Variants in LINGO2 observed in about 807,000 individuals in gnomAD.
The protein encoded by LINGO2 is leucine rich repeat and Ig domain containing 2, also known as leucine-rich repeat and immunoglobulin-like domain-containing nogo receptor-interacting protein 2.
In LINGO2, 14 loss-of-function variants were observed where a neutral mutation model predicts 30.6. That is an observed-to-expected ratio of 0.46 (90% confidence interval 0.30 to 0.72). LINGO2 has a LOEUF of 0.72. Ranked by LOEUF, LINGO2 falls within the 30% of genes least tolerant of loss-of-function variation. The probability of loss-of-function intolerance (pLI) is 0.07; values close to 1 mark genes in which losing one functional copy is unlikely to be tolerated. For missense variants in LINGO2, 729 were observed against 751.7 expected (o/e 0.97, Z 0.35); for synonymous variants, 317 against 288.5 (o/e 1.10, Z -1.00).
intron 4 of LINGO2, among the ~76,000 whole-genome samples, chr9:28,226,626 G>GGAGA (rs1821157211): frequency 1.1e-5 from 1 of 90,808 alleles, no homozygotes; most frequent in African/African-American, 3.9e-5. Flanking sequence ...AAGGAAAGAA[G>GGAGA]GAAAGAAGGA....
chr9:28,202,815 G>A (rs10812756), intron 4 of LINGO2, among the ~76,000 whole-genome samples: 12,115 of 152,120 alleles, frequency 0.08, 688 homozygotes, highest in East Asian at 0.21. Flanking sequence ...TCTCTTTCCC[G>A]AGCTTGAGTC....
At chr9:28,829,258 C>G in the LINGO2 span, among the ~76,000 whole-genome samples, 1 of 152,168 alleles carries the variant, frequency 6.6e-6, no homozygotes, top group Non-Finnish European at 1.5e-5. Context: ...CCTTTCCAGG[C>G]CCCCTTCCCG....
At chr9:28,138,585 TGCTTTGAAAAGTAG>T (rs1035282216) in intron 4 of LINGO2, among the ~76,000 whole-genome samples, 1 of 152,212 alleles carries the variant, frequency 6.6e-6, no homozygotes, top group African/African-American at 2.4e-5. Context: ...ATTATAGCCT[TGCTTTGAAAAGTAG>T]GCATTTTTCA....
At chr9:28,848,387 G>GTATATA in the LINGO2 span, among the ~76,000 whole-genome samples, 1 of 51,826 alleles carries the variant, frequency 1.9e-5, no homozygotes, top group Non-Finnish European at 3.9e-5. Flanking sequence ...GTGTGTGTGT[G>GTATATA]TGTGTGTGTG....
chr9:28,179,313 T>G lies in LINGO2; in HGVS notation c.-87+115895A>C, dbSNP rs1289297876. Among the ~76,000 whole-genome samples the G allele has an allele frequency of 5.5e-5, 8 of 144,824 alleles. No homozygotes were observed. In the Admixed American group the frequency reaches 5.7e-4, roughly 10 times the overall value. ...ACCATATATAGTATTTTATACTATATATACTATACTATATGTATATATATA... is the reference window on the plus strand; with the variant it reads ...ACCATATATAGTATTTTATACTATAGATACTATACTATATGTATATATATA... On this transcript the variant is annotated intron_variant, in intron 4 of 5. Transcript: ENST00000379992.
At chr9:28,932,043 GT>G in the LINGO2 span, among the ~76,000 whole-genome samples, 1 of 151,476 alleles carries the variant, frequency 6.6e-6, no homozygotes, top group Non-Finnish European at 1.5e-5. Context: ...GGAGGCGAAG[GT>G]TGCAGTGAGT....
intron 3 of LINGO2, among the ~76,000 whole-genome samples, chr9:28,347,373 T>C (rs10968525): frequency 1.3e-5 from 2 of 152,106 alleles, no homozygotes; most frequent in African/African-American, 4.8e-5. Context: ...GGAAGAGATA[T>C]GTAGCTCAAC....
chr9:28,773,366 G>GAAAA, the LINGO2 span, among the ~76,000 whole-genome samples: 14 of 132,228 alleles, frequency 1.1e-4, no homozygotes, highest in Admixed American at 5.4e-4. Flanking sequence ...CTCCATCTCA[G>GAAAA]AAAAAAAAAA....
At chr9:28,779,350 C>T in the LINGO2 span, among the ~76,000 whole-genome samples, 1 of 152,108 alleles carries the variant, frequency 6.6e-6, no homozygotes, top group South Asian at 2.1e-4. Context: ...CCATCTCCCA[C>T]CTGCTCTGGT....
the LINGO2 span, among the ~76,000 whole-genome samples, chr9:28,875,689 T>C: frequency 2.0e-5 from 3 of 152,138 alleles, no homozygotes; most frequent in African/African-American, 7.2e-5. Flanking sequence ...CTTTTTAGAA[T>C]ATCCAACAAT....
chr9:28,262,669 T>A (rs1211895719), intron 4 of LINGO2, among the ~76,000 whole-genome samples: 1 of 151,754 alleles, frequency 6.6e-6, no homozygotes. Context: ...AGAAGAAATT[T>A]TAAAACAATG....
At chr9:28,883,184 A>C in the LINGO2 span, among the ~76,000 whole-genome samples, 1 of 151,948 alleles carries the variant, frequency 6.6e-6, no homozygotes, top group African/African-American at 2.4e-5. Context: ...GTCTTCTTTA[A>C]TTTATTTATT....
At chr9:28,644,966 A>G (rs1299702047) in intron 1 of LINGO2, among the ~76,000 whole-genome samples, 1 of 152,100 alleles carries the variant, frequency 6.6e-6, no homozygotes, top group Non-Finnish European at 1.5e-5. Context: ...GGGACAATTT[A>G]AAAATCCCAG....
the LINGO2 span, among the ~76,000 whole-genome samples, chr9:29,043,546 G>T: frequency 6.6e-6 from 1 of 151,932 alleles, no homozygotes; most frequent in Non-Finnish European, 1.5e-5. Context: ...TATGTGTTGA[G>T]ATTTCTCATT....
At chr9:29,124,081 C>T in the LINGO2 span, among the ~76,000 whole-genome samples, 2 of 151,916 alleles carry the variant, frequency 1.3e-5, no homozygotes, top group South Asian at 2.1e-4. Context: ...CAATGGAACA[C>T]AACAGAGGCC....
chr9:28,473,528 G>A (rs1321225008), intron 2 of LINGO2, among the ~76,000 whole-genome samples: 1 of 151,716 alleles, frequency 6.6e-6, no homozygotes, highest in African/African-American at 2.4e-5. Flanking sequence ...TCTCTTTCCC[G>A]GGACATACTG....
chr9:28,479,500 G>T (rs1270950060), intron 1 of LINGO2, among the ~76,000 whole-genome samples: 3 of 151,688 alleles, frequency 2.0e-5, no homozygotes, highest in Admixed American at 6.6e-5. Context: ...TTTAGCAAAA[G>T]ATCATTTTGT....
At chr9:28,714,363 G>A in the LINGO2 span, among the ~76,000 whole-genome samples, 148 of 151,826 alleles carry the variant, frequency 9.7e-4, 1 homozygote, top group African/African-American at 3.5e-3. Context: ...GGCTCAAAAT[G>A]CTTGCCAAGC....
chr9:28,537,804 T>G (rs1178498986), intron 1 of LINGO2, among the ~76,000 whole-genome samples: 1 of 150,912 alleles, frequency 6.6e-6, no homozygotes, highest in Non-Finnish European at 1.5e-5. Context: ...TGGTGGTGAA[T>G]GAAAATTACC....
Sources: allele counts gnomAD v4.1 joint callset (sites outside exome capture counted in the v4.1 genomes callset), GRCh38; gene constraint gnomAD v4.1.1; transcripts MANE v1.5; gene names NCBI Gene and HGNC (gene_info 2026-07-23, HGNC 2026-07-21).